Variants in TNNI3K observed in about 807,000 individuals in gnomAD.
TNNI3K encodes the protein TNNI3 interacting kinase, also known as serine/threonine-protein kinase TNNI3K.
A neutral mutation model predicts 114.5 loss-of-function variants in TNNI3K; 140 were observed. The observed-to-expected ratio is 1.22, with a 90% CI of 1.07 to 1.41. TNNI3K has a LOEUF of 1.41. Among genes scored for constraint, TNNI3K ranks in the 40% most tolerant of loss-of-function variants. TNNI3K has a pLI of 0.00. For synonymous variants in TNNI3K, 347 were observed against 347.5 expected, an observed-to-expected ratio of 1.00 and a Z score of 0.02; for missense variants, 1,125 against 1,007.6, an observed-to-expected ratio of 1.12 and a Z score of -1.58.
intron 20 of TNNI3K, among the ~76,000 whole-genome samples, chr1:74,450,290 A>C (rs1164305183): frequency 2.0e-5 from 3 of 151,906 alleles, no homozygotes; most frequent in Admixed American, 1.3e-4. Context: ...CTAAATGCCC[A>C]CAAGAGAAAG....
At chr1:74,339,744 A>G (rs1320883441) in intron 7 of TNNI3K, among the ~76,000 whole-genome samples, 1 of 152,058 alleles carries the variant, frequency 6.6e-6, no homozygotes, top group South Asian at 2.1e-4. Context: ...GTAATGAAAA[A>G]GGAGAAATAT....
chr1:74,439,995 T>A (rs1313101505), intron 20 of TNNI3K, among the ~76,000 whole-genome samples: 10 of 152,094 alleles, frequency 6.6e-5, no homozygotes, highest in African/African-American at 2.4e-4. Context: ...TATATAGGGA[T>A]AAGAAAGTAG....
intron 4 of TNNI3K, among the ~76,000 whole-genome samples, chr1:74,253,611 C>G (rs905669340): frequency 6.6e-6 from 1 of 152,108 alleles, no homozygotes; most frequent in Non-Finnish European, 1.5e-5. Flanking sequence ...TGCCCGGAGC[C>G]GGCAGGACTG....
At chr1:74,434,749 A>G (rs1056596284) in intron 17 of TNNI3K, among the ~76,000 whole-genome samples, 16 of 152,044 alleles carry the variant, frequency 1.1e-4, no homozygotes, top group African/African-American at 3.9e-4. Flanking sequence ...GAATACTTCT[A>G]CACTGCGCTA....
At chr1:74,274,585 A>G (rs183354907) in intron 5 of TNNI3K, among the ~76,000 whole-genome samples, 1 of 152,180 alleles carries the variant, frequency 6.6e-6, no homozygotes, top group Non-Finnish European at 1.5e-5. Context: ...GGCACACAAA[A>G]TAAATATGCA....
At chr1:74,456,641 G>T (rs1308610673) in intron 20 of TNNI3K, among the ~76,000 whole-genome samples, 1 of 152,172 alleles carries the variant, frequency 6.6e-6, no homozygotes, top group African/African-American at 2.4e-5. Context: ...TGGGCCCAAA[G>T]AAGAGAGTCT....
At chr1:74,358,016 C>A (rs1000918710) in intron 11 of TNNI3K, among the ~76,000 whole-genome samples, 2 of 152,146 alleles carry the variant, frequency 1.3e-5, no homozygotes, top group African/African-American at 4.8e-5. Flanking sequence ...AAAGATGAAA[C>A]TGCCGAATTG....
intron 5 of TNNI3K, among the ~76,000 whole-genome samples, chr1:74,314,253 G>T (rs1383834676): frequency 1.3e-5 from 2 of 150,530 alleles, no homozygotes; most frequent in Non-Finnish European, 3.0e-5. Flanking sequence ...TATTGCTAAG[G>T]GTATATTTCA....
intron 21 of TNNI3K, among the ~76,000 whole-genome samples, chr1:74,481,793 A>G (rs187762393): frequency 6.6e-6 from 1 of 152,212 alleles, no homozygotes; most frequent in Non-Finnish European, 1.5e-5. Context: ...CATCTTTATC[A>G]TGCTAACATT....
chr1:74,295,682 A>T (rs932068884), intron 5 of TNNI3K, among the ~76,000 whole-genome samples: 1 of 152,118 alleles, frequency 6.6e-6, no homozygotes, highest in Non-Finnish European at 1.5e-5. Context: ...CTTTCTTTTG[A>T]ATAGTGTTTG....
At chr1:74,356,043 A>G (rs888624770) in intron 11 of TNNI3K, among the ~76,000 whole-genome samples, 10 of 152,124 alleles carry the variant, frequency 6.6e-5, no homozygotes, top group Admixed American at 2.6e-4. Context: ...TTCTCTTCCA[A>G]TCACTCCCCT....
At chr1:74,422,086 C>T (rs1665427528) in intron 17 of TNNI3K, among the ~76,000 whole-genome samples, 1 of 151,602 alleles carries the variant, frequency 6.6e-6, no homozygotes. Context: ...AATATATACT[C>T]ACTCACAGCC....
At chr1:74,316,474 G>A (rs1411189609) in intron 5 of TNNI3K, among the ~76,000 whole-genome samples, 3 of 151,528 alleles carry the variant, frequency 2.0e-5, no homozygotes, top group East Asian at 1.9e-4. Context: ...CTTAAGTTTC[G>A]TAAGCATGCC....
At position 74,238,408 on chromosome 1, in the gene TNNI3K, T is replaced by C. The variant is rs147196032; in HGVS notation, c.149+2198T>C. On this transcript the variant is annotated intron_variant, in intron 2 of 24. Transcript: ENST00000326637. ...AATACTAAGTACAGGGCCCAACCCA[T>C]AGTAAGCATTGAGTAGTTGGAAATT... Among the ~76,000 whole-genome samples, 1,055 of 152,130 alleles carry C rather than the reference T, an allele frequency of 6.9e-3. 13 individuals carry two copies. Among genetic ancestry groups the C allele is most frequent in the African/African-American group, 0.023 (968 of 41,536 alleles).
At chr1:74,421,008 C>A (rs45445592) in intron 17 of TNNI3K, among the ~76,000 whole-genome samples, 3,437 of 152,144 alleles carry the variant, frequency 0.023, 124 homozygotes, top group African/African-American at 0.079. Context: ...TAAATAACTC[C>A]CACATGCTTA....
At chr1:74,342,767 A>G (rs1458927958) in intron 7 of TNNI3K, 75 bp from the exon 8 acceptor site, 17 of 1,558,014 alleles carry the variant, frequency 1.1e-5, no homozygotes, top group African/African-American at 5.4e-5. Context: ...AGAAATGTCC[A>G]TGATACTATA....
chr1:74,334,727 T>C (rs1660379427), intron 6 of TNNI3K, among the ~76,000 whole-genome samples: 1 of 152,106 alleles, frequency 6.6e-6, no homozygotes, highest in South Asian at 2.1e-4. Flanking sequence ...TGTTTCTATC[T>C]CCAGTTCACT....
At chr1:74,300,311 A>C (rs141463843) in intron 5 of TNNI3K, among the ~76,000 whole-genome samples, 1 of 152,312 alleles carries the variant, frequency 6.6e-6, no homozygotes, top group East Asian at 1.9e-4. Context: ...GTGCTCACAT[A>C]GTCATATATT....
rs185099219 is a variant in TNNI3K, at chr1:74,498,740, T to C, written c.2351+6474T>C. On this transcript the variant is annotated intron_variant, in intron 23 of 24. Coordinates refer to ENST00000326637, the MANE Select transcript of TNNI3K (RefSeq NM_015978.3). ...CTTTTCCAGTCTTCCCCCCGACTAT[T>C]AGCACACTAAATGTCAATATATTTC... Among the ~76,000 whole-genome samples, 17 of 152,240 alleles carry C rather than the reference T, an allele frequency of 1.1e-4. No individual in the cohort carries two copies. The East Asian group carries it at 3.1e-3, about 28-fold the overall frequency.
Sources: allele counts gnomAD v4.1 joint callset (sites outside exome capture counted in the v4.1 genomes callset), GRCh38; gene constraint gnomAD v4.1.1; transcripts MANE v1.5; gene names NCBI Gene and HGNC (gene_info 2026-07-23, HGNC 2026-07-21).